Variants in NSUN3 observed in about 807,000 individuals in gnomAD.
NSUN3 encodes NOP2/Sun RNA methyltransferase 3.
Under a neutral mutation model 36.8 loss-of-function variants are expected in NSUN3, and 24 were observed. The ratio of observed to expected loss-of-function variants is 0.65; its 90% confidence interval spans 0.47 to 0.92. The LOEUF is 0.92. Among genes scored for constraint, NSUN3 ranks in the 40% least tolerant of loss-of-function variants. NSUN3 has a pLI of 0.00. For missense variants in NSUN3, 381 were observed against 392.8 expected (o/e 0.97, Z 0.25); for synonymous variants, 146 against 145.2 (o/e 1.01, Z -0.04).
chr3:94,104,869 TAAG>T, intron 5 of NSUN3, among the ~76,000 whole-genome samples: 1 of 152,304 alleles, frequency 6.6e-6, no homozygotes, highest in East Asian at 1.9e-4. Flanking sequence ...GTCTTCAAAA[TAAG>T]ATGATACTTT....
At chr3:94,097,837 T>C (rs1298486781) in intron 5 of NSUN3, among the ~76,000 whole-genome samples, 1 of 152,170 alleles carries the variant, frequency 6.6e-6, no homozygotes, top group Non-Finnish European at 1.5e-5. Flanking sequence ...TTTGGGTTTC[T>C]TTAGCCTACT....
At chr3:94,112,360 A>G (rs2077421046) in intron 5 of NSUN3, among the ~76,000 whole-genome samples, 1 of 152,248 alleles carries the variant, frequency 6.6e-6, no homozygotes, top group Non-Finnish European at 1.5e-5. Context: ...TTATTAAGGC[A>G]GTTCTTCACT....
chr3:94,104,797 G>A (rs906438978), intron 5 of NSUN3, among the ~76,000 whole-genome samples: 1 of 152,092 alleles, frequency 6.6e-6, no homozygotes, highest in Non-Finnish European at 1.5e-5. Context: ...AAATAATTAG[G>A]AAGTTATGGA....
chr3:94,099,711 C>T (rs2077357097), intron 5 of NSUN3, among the ~76,000 whole-genome samples: 1 of 151,408 alleles, frequency 6.6e-6, no homozygotes, highest in Non-Finnish European at 1.5e-5. Context: ...GTCCTGACAT[C>T]TACAAGTCTT....
At position 94,065,552 on chromosome 3, in the gene NSUN3, C is replaced by A. The variant is rs528405562; in HGVS notation, c.122+1006C>A. 2.6e-4 allele frequency among the ~76,000 whole-genome samples: 39 copies of A among 152,258 alleles called. 1 individual carries two copies. The South Asian group carries it at 7.5e-3, about 29-fold the overall frequency. Reference sequence around the variant, plus strand: ...TGTCCATTTTTTTCTTGGATCAACTCTTAAGCATTTCTCCTTTACAAAGGG... The same window carrying A: ...TGTCCATTTTTTTCTTGGATCAACTATTAAGCATTTCTCCTTTACAAAGGG... On this transcript the variant is annotated intron_variant, in intron 2 of 5. Coordinates refer to ENST00000314622, the MANE Select transcript of NSUN3 (RefSeq NM_022072.5).
chr3:94,073,200 C>T (rs886185451), intron 2 of NSUN3, among the ~76,000 whole-genome samples: 5 of 152,144 alleles, frequency 3.3e-5, no homozygotes, highest in African/African-American at 1.2e-4. Context: ...TCCAGTCTAT[C>T]ATTGATGGAC....
intron 3 of NSUN3, among the ~76,000 whole-genome samples, chr3:94,087,733 C>T (rs1459398406): frequency 2.6e-5 from 4 of 152,104 alleles, no homozygotes; most frequent in Admixed American, 2.6e-4. Context: ...TGCAGTGGTG[C>T]GATCTTGGCT....
rs1290004164 is a variant in NSUN3, at chr3:94,127,641, A to G, written c.*1151A>G. 6.6e-6 allele frequency: 1 copy of G among 152,120 alleles called. No individual in the cohort carries two copies. The highest frequency in any genetic ancestry group is 2.4e-5 in the African/African-American group (1 of 41,432). The allele number at this position is 152,120 out of a possible 1,614,324, so 9.4% of individuals were successfully genotyped here. On this transcript the variant is annotated 3_prime_UTR_variant, in exon 6 of 6. Coordinates refer to ENST00000314622, the MANE Select transcript of NSUN3 (RefSeq NM_022072.5). The stretch of plus-strand genomic sequence containing the variant: ...ATTTTTCCAACTATTAAGAAAAATT[A>G]TGCAGCACATCTCAAAAAATAGCAT...
At chr3:94,117,539 A>C (rs2077445508) in intron 5 of NSUN3, among the ~76,000 whole-genome samples, 1 of 152,170 alleles carries the variant, frequency 6.6e-6, no homozygotes, top group Non-Finnish European at 1.5e-5. Flanking sequence ...CAAACACAAA[A>C]TGCATTTCAG....
At chr3:94,081,169 C>T (rs546377391) in intron 2 of NSUN3, among the ~76,000 whole-genome samples, 2 of 152,242 alleles carry the variant, frequency 1.3e-5, no homozygotes, top group African/African-American at 2.4e-5. Flanking sequence ...GAGAAAATTC[C>T]CCAACCCCTT....
chr3:94,081,468 C>T (rs1373889274), intron 2 of NSUN3: 4 of 152,184 alleles, frequency 2.6e-5, no homozygotes, highest in Non-Finnish European at 4.4e-5. Flanking sequence ...AAAACCTTAT[C>T]ATATTATACT....
intron 5 of NSUN3, 137 bp downstream of exon 5, chr3:94,095,291 A>T: frequency 2.5e-6 from 2 of 806,914 alleles, no homozygotes; most frequent in Non-Finnish European, 3.8e-6. Context: ...ACACTCAAAA[A>T]ATTCCCAACT....
chr3:94,118,354 T>C (rs1205115952), intron 5 of NSUN3, among the ~76,000 whole-genome samples: 1 of 152,230 alleles, frequency 6.6e-6, no homozygotes, highest in Non-Finnish European at 1.5e-5. Flanking sequence ...GTTAGCATTG[T>C]ACTTAATCTG....
At chr3:94,091,912 C>G (rs575208368) in intron 3 of NSUN3, among the ~76,000 whole-genome samples, 2 of 152,302 alleles carry the variant, frequency 1.3e-5, no homozygotes, top group South Asian at 4.1e-4. Flanking sequence ...GCTGGAGCCA[C>G]TTGAATTGTT....
At chr3:94,063,907 G>A (rs910389734) in intron 1 of NSUN3, 3 of 154,538 alleles carry the variant, frequency 1.9e-5, no homozygotes, top group African/African-American at 7.2e-5. Flanking sequence ...GGAGTACAGT[G>A]GCGCGATCTC....
rs765306129 is a variant in NSUN3 at position 94,126,500 on chromosome 3, G to A, written c.*10G>A. ...CACAGGAAAATGGTGACATGAATTTGTAAACTGTGTTTATGTGTTATTATA... is the reference window on the plus strand; with the variant it reads ...CACAGGAAAATGGTGACATGAATTTATAAACTGTGTTTATGTGTTATTATA... On this transcript the variant is annotated 3_prime_UTR_variant, in exon 6 of 6. Coordinates refer to ENST00000314622, the MANE Select transcript of NSUN3 (RefSeq NM_022072.5). 2 of 1,601,456 alleles carry A rather than the reference G, an allele frequency of 1.2e-6. No homozygotes were observed. Among genetic ancestry groups the A allele is most frequent in the East Asian group, 2.2e-5 (1 of 44,588 alleles).
intron 5 of NSUN3, among the ~76,000 whole-genome samples, chr3:94,109,700 C>G (rs1002348143): frequency 6.6e-6 from 1 of 152,190 alleles, no homozygotes; most frequent in Non-Finnish European, 1.5e-5. Flanking sequence ...TTTGGAAGAG[C>G]TGAAGGAAGG....
Position 94,072,011 on chromosome 3 carries a change from T to C in NSUN3, c.122+7465T>C, listed in dbSNP as rs1468706544. ...GTGTGTGCAAGGGGAACTGTAAGAATCATATTAATACACAGCTTTGCTTTC... is the reference window on the plus strand; with the variant it reads ...GTGTGTGCAAGGGGAACTGTAAGAACCATATTAATACACAGCTTTGCTTTC... On this transcript the variant is annotated intron_variant, in intron 2 of 5. Transcript: ENST00000314622. 1.3e-5 allele frequency among the ~76,000 whole-genome samples: 2 copies of C among 152,080 alleles called. 1 individual carries two copies. The highest frequency in any genetic ancestry group is 2.9e-5 in the Non-Finnish European group (2 of 68,012).
rs1426008500 is a variant in NSUN3 at position 94,131,342 on chromosome 3, G to A, written c.*4852G>A. On this transcript the variant is annotated 3_prime_UTR_variant, in exon 6 of 6. Coordinates refer to ENST00000314622, the MANE Select transcript of NSUN3 (RefSeq NM_022072.5). ...GAGCCGCGATCAAAACTGGCTCCGA[G>A]GTCCAGGCCCTTTTCCCAACACTAT... Among the ~76,000 whole-genome samples, 1 of 152,142 alleles carries A rather than the reference G, an allele frequency of 6.6e-6. No individual in the cohort carries two copies. Among genetic ancestry groups the A allele is most frequent in the Non-Finnish European group, 1.5e-5 (1 of 68,026 alleles).
Sources: allele counts gnomAD v4.1 joint callset (sites outside exome capture counted in the v4.1 genomes callset), GRCh38; gene constraint gnomAD v4.1.1; transcripts MANE v1.5; gene names NCBI Gene and HGNC (gene_info 2026-07-23, HGNC 2026-07-21).